MDM4: variants seen among roughly 807,000 people sequenced by gnomAD.
The protein encoded by MDM4 is protein Mdm4.
MDM4 carries 2 observed loss-of-function variants against 60.2 expected under a neutral mutation model. The observed-to-expected ratio is 0.03, with a 90% CI of 0.01 to 0.10. MDM4 has a LOEUF of 0.10. MDM4 is among the 10% of genes least tolerant of loss of function. MDM4 has a pLI of 1.00. For synonymous variants in MDM4, 202 were observed against 198.1 expected, an observed-to-expected ratio of 1.02 and a Z score of -0.17; for missense variants, 447 against 577.5, an observed-to-expected ratio of 0.77 and a Z score of 2.32.
Position 204,525,480 on chromosome 1 carries a change from TTA to T in MDM4, c.-35-3_-35-2del. The T allele has an allele frequency of 6.3e-7, 1 of 1,575,200 alleles. No individual in the cohort carries two copies. The highest frequency in any genetic ancestry group is 8.6e-7 in the Non-Finnish European group (1 of 1,168,890). On this transcript the variant is annotated splice_acceptor_variant and splice_polypyrimidine_tract_variant and intron_variant, in intron 1 of 10. Coordinates refer to ENST00000367182, the MANE Select transcript of MDM4 (RefSeq NM_002393.5). LOFTEE classifies it low-confidence loss of function (5UTR_SPLICE). ...AGATGTTATAAATTTTTTTTTCTAT[TTA>T]GTTTTACCAACAGACTGCAGTTTCT...
intron 5 of MDM4, among the ~76,000 whole-genome samples, chr1:204,534,488 G>GGTTTT (rs371705370): frequency 2.6e-5 from 4 of 151,772 alleles, no homozygotes; most frequent in African/African-American, 9.7e-5. Flanking sequence ...ATATTTTGTT[G>GGTTTT]GTTTTGTTTT....
chr1:204,545,242 A>G (rs1662537661), intron 9 of MDM4, among the ~76,000 whole-genome samples: 1 of 152,222 alleles, frequency 6.6e-6, no homozygotes, highest in Non-Finnish European at 1.5e-5. Flanking sequence ...GATAGCTTCC[A>G]TAACCATGTT....
At chr1:204,526,751 C>G (rs1190506771) in intron 3 of MDM4, among the ~76,000 whole-genome samples, 2 of 152,138 alleles carry the variant, frequency 1.3e-5, no homozygotes, top group Non-Finnish European at 2.9e-5. Flanking sequence ...GCATGAGCCA[C>G]CGCGCCTGGC....
intron 10 of MDM4, among the ~76,000 whole-genome samples, chr1:204,547,582 G>T (rs1662789466): frequency 6.6e-6 from 1 of 152,198 alleles, no homozygotes; most frequent in South Asian, 2.1e-4. Context: ...TTCTGGTGTT[G>T]ATCCTTCCCC....
intron 1 of MDM4, among the ~76,000 whole-genome samples, chr1:204,519,647 T>C (rs191044017): frequency 1.3e-5 from 2 of 151,970 alleles, no homozygotes; most frequent in East Asian, 3.9e-4. Flanking sequence ...GAGACTAGCC[T>C]GGGGAACATT....
intron 1 of MDM4, among the ~76,000 whole-genome samples, chr1:204,522,498 G>C (rs1205270825): frequency 6.6e-6 from 1 of 151,042 alleles, no homozygotes. Context: ...CCCAAGTTCA[G>C]GCGATTCTCC....
intron 9 of MDM4, 151 bp from the exon 10 acceptor site, chr1:204,546,645 GT>G (rs1189926567): frequency 2.1e-5 from 12 of 560,380 alleles, no homozygotes; most frequent in Non-Finnish European, 3.5e-5. Context: ...AGAATCATGT[GT>G]TTGGTCTTGC....
intron 6 of MDM4, chr1:204,537,987 C>T: frequency 1.3e-6 from 1 of 751,202 alleles, no homozygotes. Context: ...GGCCTTTGTG[C>T]AGAGGTTTTT....
chr1:204,520,256 C>T (rs532403799), intron 1 of MDM4, among the ~76,000 whole-genome samples: 6 of 133,818 alleles, frequency 4.5e-5, no homozygotes, highest in Non-Finnish European at 9.2e-5. Context: ...CCAGCCTGTG[C>T]GACAGAGCGA....
At position 204,530,714 on chromosome 1, in the gene MDM4, G is replaced by A. The variant is rs1330250688; in HGVS notation, c.184G>A (p.Val62Met). 2 of 1,614,014 alleles carry A rather than the reference G, an allele frequency of 1.2e-6. No individual in the cohort carries two copies. The highest frequency in any genetic ancestry group is 1.7e-5 in the Admixed American group (1 of 60,004). ...GCACTATTTAGGTCAGTACATAATG[G>A]TGAAGCAACTTTATGATCAGCAGGA... is the stretch of plus-strand genomic sequence containing the variant. ...VMHYLGQYIM[V>M]KQLYDQQEQH... is the part of the protein sequence containing the mutation. Residue 62 changes from valine to methionine, a missense_variant, in exon 4 of 11, where the codon GTG becomes ATG. This residue lies in a region of MDM4 where 31 missense variants were observed against 87.6 expected (regional missense o/e 0.35). Coordinates refer to ENST00000367182, the MANE Select transcript of MDM4 (RefSeq NM_002393.5).
intron 2 of MDM4, 60 bp downstream of exon 2, chr1:204,525,656 T>C: frequency 8.6e-7 from 1 of 1,160,532 alleles, no homozygotes; most frequent in South Asian, 1.4e-5. Flanking sequence ...TTTTAAAAAG[T>C]TTAGCTGTCT....
In MDM4 at chr1:204,555,312, G is replaced by A. The variant is rs997632299; in HGVS notation, c.*5630G>A. The A allele has an allele frequency of 4.2e-5, 7 of 165,856 alleles. No individual in the cohort carries two copies. Among genetic ancestry groups the A allele is most frequent in the Admixed American group, 1.9e-4 (3 of 15,534 alleles). The allele number at this position is 165,856 out of a possible 1,614,324, so 10.3% of individuals were successfully genotyped here. A position where few individuals can be genotyped will look rare whatever the true frequency, so the allele number is the denominator to read the frequency against. ...TGGGACTATAGGCGCCCGCCACCAC[G>A]CCTGGCTAATTTTTGTATTTTTATT... On this transcript the variant is annotated 3_prime_UTR_variant, in exon 11 of 11. Transcript: ENST00000367182.
chr1:204,532,547 C>A (rs1009567554), intron 5 of MDM4: 2 of 561,036 alleles, frequency 3.6e-6, no homozygotes, highest in African/African-American at 1.9e-5. Flanking sequence ...CATTCAATAT[C>A]ATTATTACAC....
intron 7 of MDM4, among the ~76,000 whole-genome samples, chr1:204,540,010 G>A (rs756056475): frequency 5.3e-5 from 8 of 151,692 alleles, no homozygotes; most frequent in Non-Finnish European, 1.2e-4. Context: ...AGCCGGGCGC[G>A]GTGGCTCACG....
At chr1:204,532,876 G>T in intron 5 of MDM4, 1 of 1,572,594 alleles carries the variant, frequency 6.4e-7, no homozygotes, top group Non-Finnish European at 8.6e-7. Context: ...TTGGTAAACT[G>T]GTAGTGCTTG....
At position 204,549,390 on chromosome 1, in the gene MDM4, T is replaced by C. The variant is rs1222941863; in HGVS notation, c.1181T>C (p.Phe394Ser). 9 of 1,613,810 alleles carry C rather than the reference T, an allele frequency of 5.6e-6. No homozygotes were observed. Among genetic ancestry groups the C allele is most frequent in the Non-Finnish European group, 7.6e-6 (9 of 1,179,986 alleles). Reference protein sequence around the residue: ...KLFDPCNSVEFLDLAHSSESQ... With the variant: ...KLFDPCNSVESLDLAHSSESQ... ...TTTGATCCCTGCAACTCAGTGGAATTCTTGGATTTGGCTCACAGTTCTGAA... is the reference window on the plus strand; with the variant it reads ...TTTGATCCCTGCAACTCAGTGGAATCCTTGGATTTGGCTCACAGTTCTGAA... The change falls in exon 11 of 11, where the codon TTC (phenylalanine) becomes TCC (serine). Residue 394 changes from phenylalanine (F) to serine (S), a missense_variant. Coordinates refer to ENST00000367182, the MANE Select transcript of MDM4 (RefSeq NM_002393.5).
At position 204,551,426 on chromosome 1, in the gene MDM4, ACGC is replaced by A; in HGVS notation, c.*1746_*1748del. 1 of 215,820 alleles carries A rather than the reference ACGC, an allele frequency of 4.6e-6. No individual in the cohort carries two copies. The highest frequency in any genetic ancestry group is 8.8e-6 in the Non-Finnish European group (1 of 113,170). 13.4% of individuals were successfully genotyped at this position (215,820 alleles called of 1,614,324 possible). A position where few individuals can be genotyped will look rare whatever the true frequency, so the allele number is the denominator to read the frequency against. ...CTGGAGCTGCTTACACCAAGGCAAT[ACGC>A]CTTGATATACTGGATGGTTGAGAGG... On this transcript the variant is annotated 3_prime_UTR_variant, in exon 11 of 11. Coordinates refer to ENST00000367182, the MANE Select transcript of MDM4 (RefSeq NM_002393.5).
rs952395370 is a variant in MDM4 at position 204,552,024 on chromosome 1, C to A, written c.*2342C>A. The A allele has an allele frequency of 5.9e-6, 1 of 170,926 alleles. No individual in the cohort carries two copies. The highest frequency in any genetic ancestry group is 1.3e-5 in the Non-Finnish European group (1 of 79,688). 10.6% of individuals were successfully genotyped at this position (170,926 alleles called of 1,614,324 possible). ...ATCGTGGACCGGGCGTAGTGGCTCA[C>A]GCCTGTAATCCCAACACTTTGGGAG... is the stretch of plus-strand genomic sequence containing the variant. On this transcript the variant is annotated 3_prime_UTR_variant, in exon 11 of 11. Transcript: ENST00000367182.
rs1436505028 is a variant in MDM4 at position 204,551,146 on chromosome 1, A to C, written c.*1464A>C. 3.6e-5 allele frequency: 7 copies of C among 192,126 alleles called. No homozygotes were observed. The highest frequency in any genetic ancestry group is 7.6e-5 in the Non-Finnish European group (7 of 92,056). 11.9% of individuals were successfully genotyped at this position (192,126 alleles called of 1,614,324 possible). On this transcript the variant is annotated 3_prime_UTR_variant, in exon 11 of 11. Transcript: ENST00000367182. ...CAGCCTCGACCTCCCAGATCCAAGC[A>C]ATCCTCCCACCTAAGCCTCCCAAGT...
Sources: allele counts gnomAD v4.1 joint callset (sites outside exome capture counted in the v4.1 genomes callset), GRCh38; gene constraint gnomAD v4.1.1; regional missense constraint gnomAD v4.1.1; transcripts MANE v1.5; gene names NCBI Gene and HGNC (gene_info 2026-07-23, HGNC 2026-07-21).